The following CADPS2 variants were observed in gnomAD, a reference collection of about 807,000 sequenced individuals.
The protein encoded by CADPS2 is calcium dependent secretion activator 2, also known as calcium-dependent secretion activator 2.
Under a neutral mutation model 172.5 loss-of-function variants are expected in CADPS2, and 93 were observed. That is an observed-to-expected ratio of 0.54 (90% CI 0.46 to 0.64). The LOEUF (loss-of-function observed/expected upper bound fraction) is 0.64, where lower values mean the gene tolerates loss of function less well. Ranked by LOEUF, CADPS2 falls within the 30% of genes least tolerant of loss-of-function variation. CADPS2 has a pLI of 0.00. For missense variants in CADPS2, 1,420 were observed against 1,565.9 expected (o/e 0.91, Z 1.57); for synonymous variants, 546 against 555.2 (o/e 0.98, Z 0.23).
At chr7:122,498,043 C>T (rs1410358351) in intron 9 of CADPS2, among the ~76,000 whole-genome samples, 1 of 152,126 alleles carries the variant, frequency 6.6e-6, no homozygotes, top group Non-Finnish European at 1.5e-5. Flanking sequence ...GCAACCTCCT[C>T]CTCAAGCCAT....
In CADPS2 at chr7:122,632,948, A is replaced by T. The variant is rs2076719448; in HGVS notation, c.787-3620T>A. Among the ~76,000 whole-genome samples, 4 of 152,254 alleles carry T rather than the reference A, an allele frequency of 2.6e-5. No individual in the cohort carries two copies. The South Asian group carries it at 6.2e-4, about 24-fold the overall frequency. Reference sequence around the variant, plus strand: ...GTTATTCCAGCACCATTTATTGAAGAGGGAGTGCTTTCCCCATTGTTTATT... The same window carrying T: ...GTTATTCCAGCACCATTTATTGAAGTGGGAGTGCTTTCCCCATTGTTTATT... On this transcript the variant is annotated intron_variant, in intron 3 of 29. Transcript: ENST00000449022.
intron 1 of CADPS2, among the ~76,000 whole-genome samples, chr7:122,865,246 C>T (rs145923809): frequency 1.2e-3 from 187 of 152,306 alleles, no homozygotes; most frequent in African/African-American, 4.2e-3. Flanking sequence ...AGACTCTCAC[C>T]AGTTGCCAGC....
At chr7:122,372,985 A>T (rs2041946681) in intron 25 of CADPS2, among the ~76,000 whole-genome samples, 1 of 152,214 alleles carries the variant, frequency 6.6e-6, no homozygotes, top group Non-Finnish European at 1.5e-5. Flanking sequence ...CCATTTCATT[A>T]GAGGCAGAGT....
At chr7:122,446,814 T>C (rs1022453563) in intron 15 of CADPS2, among the ~76,000 whole-genome samples, 1 of 152,172 alleles carries the variant, frequency 6.6e-6, no homozygotes, top group Non-Finnish European at 1.5e-5. Context: ...GGTTCCTCCT[T>C]TCTGGATCAT....
rs758279789 is a variant in CADPS2 at position 122,676,881 on chromosome 7, T to C, written c.454-13312A>G. On this transcript the variant is annotated intron_variant, in intron 2 of 29. Transcript: ENST00000449022. ...ACTTTGTGTGCCCAAAGCCAGTCAA[T>C]GGATTCTTTGTTGGCACTGTTTTGT... is the stretch of plus-strand genomic sequence containing the variant. 2.3e-5 allele frequency: 11 copies of C among 485,534 alleles called. No homozygotes were observed. The Middle Eastern group carries it at 1.3e-3, about 58-fold the overall frequency. 30.1% of individuals were successfully genotyped at this position (485,534 alleles called of 1,614,324 possible).
chr7:122,619,900 T>C (rs2075386293), intron 5 of CADPS2, among the ~76,000 whole-genome samples: 1 of 152,190 alleles, frequency 6.6e-6, no homozygotes, highest in African/African-American at 2.4e-5. Flanking sequence ...AAGCCCAGAA[T>C]TGAATCTTGA....
At chr7:122,863,503 A>C (rs1332149740) in intron 1 of CADPS2, among the ~76,000 whole-genome samples, 1 of 152,198 alleles carries the variant, frequency 6.6e-6, no homozygotes, top group African/African-American at 2.4e-5. Context: ...TTAAATGTCT[A>C]CTAGGGAGTA....
chr7:122,447,761 C>T (rs989429364), intron 15 of CADPS2, among the ~76,000 whole-genome samples: 3 of 151,550 alleles, frequency 2.0e-5, no homozygotes, highest in Non-Finnish European at 2.9e-5. Flanking sequence ...CCATGTTGGC[C>T]AGGCTGGTCT....
In CADPS2 at chr7:122,526,179, C is replaced by CTTATTTATTTAT. The variant is rs3069351; in HGVS notation, c.1476-12876_1476-12865dup. Among the ~76,000 whole-genome samples the CTTATTTATTTAT allele has an allele frequency of 6.4e-3, 959 of 149,854 alleles. 8 individuals are homozygous for CTTATTTATTTAT. The highest frequency in any genetic ancestry group is 0.023 in the African/African-American group (926 of 40,580). On this transcript the variant is annotated intron_variant, in intron 8 of 29. Transcript: ENST00000449022. ...CACTGTGTTGATATCCTTTGATACA[C>CTTATTTATTTAT]TTATTTATTTATTTATTTATTTATT...
intron 25 of CADPS2, among the ~76,000 whole-genome samples, chr7:122,366,291 C>T (rs866156968): frequency 4.0e-5 from 6 of 151,534 alleles, no homozygotes; most frequent in East Asian, 1.9e-4. Context: ...TAAATCAGAA[C>T]GTTAATATAT....
At chr7:122,558,647 T>C (rs527676738) in intron 7 of CADPS2, among the ~76,000 whole-genome samples, 9 of 152,212 alleles carry the variant, frequency 5.9e-5, no homozygotes, top group Admixed American at 1.3e-4. Context: ...AAATTTAATA[T>C]ACAGGAGGAA....
intron 7 of CADPS2, among the ~76,000 whole-genome samples, chr7:122,559,770 C>CAAAAAA (rs71161306): frequency 2.3e-5 from 2 of 85,148 alleles, no homozygotes; most frequent in East Asian, 5.5e-4. Context: ...GACTCCACCT[C>CAAAAAA]AAAAAAAAAA....
intron 3 of CADPS2, among the ~76,000 whole-genome samples, chr7:122,654,267 A>G (rs1444420838): frequency 1.3e-5 from 2 of 152,228 alleles, no homozygotes; most frequent in Admixed American, 6.5e-5. Flanking sequence ...AGATCTAGCT[A>G]AGATCATTGA....
At chr7:122,354,050 C>A (rs2039034784) in intron 27 of CADPS2, among the ~76,000 whole-genome samples, 1 of 151,894 alleles carries the variant, frequency 6.6e-6, no homozygotes, top group African/African-American at 2.4e-5. Flanking sequence ...ACTAGCCTGG[C>A]TGCTTTCTAT....
At chr7:122,341,576 CA>C (rs2036799502) in intron 28 of CADPS2, among the ~76,000 whole-genome samples, 1 of 152,122 alleles carries the variant, frequency 6.6e-6, no homozygotes, top group Non-Finnish European at 1.5e-5. Context: ...GAGCTCTTCC[CA>C]TAACACTACT....
At chr7:122,684,169 T>C (rs1055085385) in intron 2 of CADPS2, among the ~76,000 whole-genome samples, 1 of 152,178 alleles carries the variant, frequency 6.6e-6, no homozygotes, top group Non-Finnish European at 1.5e-5. Context: ...AAATAGGCTG[T>C]AGGAACTTGA....
At chr7:122,709,460 G>A (rs1439608826) in intron 2 of CADPS2, among the ~76,000 whole-genome samples, 1 of 151,848 alleles carries the variant, frequency 6.6e-6, no homozygotes, top group African/African-American at 2.4e-5. Context: ...CTGTTGGTGG[G>A]ACTGTAAACT....
At chr7:122,671,416 A>T (rs2081841615) in intron 2 of CADPS2, among the ~76,000 whole-genome samples, 1 of 152,202 alleles carries the variant, frequency 6.6e-6, no homozygotes, top group African/African-American at 2.4e-5. Flanking sequence ...GCAGAGGAAG[A>T]AATCACAAAG....
chr7:122,808,743 T>C (rs780451752), intron 1 of CADPS2, among the ~76,000 whole-genome samples: 1 of 152,222 alleles, frequency 6.6e-6, no homozygotes, highest in Non-Finnish European at 1.5e-5. Flanking sequence ...AGATATTGAA[T>C]GAATTTCTGG....
Sources: gnomAD v4.1 joint callset for allele counts (sites outside exome capture counted in the v4.1 genomes callset) on GRCh38, gnomAD v4.1.1 for gene constraint, MANE v1.5 for transcripts, NCBI Gene and HGNC (gene_info 2026-07-23, HGNC 2026-07-21) for gene names.